Variants in CDH9 observed in about 807,000 individuals in gnomAD.
The protein encoded by CDH9 is cadherin-9.
CDH9 carries 28 observed loss-of-function variants against 70.9 expected under a neutral mutation model. The ratio of observed to expected loss-of-function variants is 0.40; its 90% CI spans 0.29 to 0.54. The LOEUF is 0.54. Ranked by LOEUF, CDH9 falls within the 20% of genes least tolerant of loss-of-function variation. CDH9 has a pLI of 0.59. For synonymous variants in CDH9, 409 were observed against 343.1 expected (o/e 1.19, Z -2.12); for missense variants, 874 against 984.4 (o/e 0.89, Z 1.50).
At chr5:27,001,928 C>G (rs771669203) in intron 1 of CDH9, among the ~76,000 whole-genome samples, 1 of 150,770 alleles carries the variant, frequency 6.6e-6, no homozygotes, top group African/African-American at 2.5e-5. Flanking sequence ...AAGGTTGGAA[C>G]AATTCACAGT....
chr5:26,890,310 CT>C lies in CDH9; in HGVS notation c.1390+117del, dbSNP rs1740634923. The C allele has an allele frequency of 3.9e-6, 3 of 773,514 alleles. No individual in the cohort carries two copies. In the African/African-American group the frequency reaches 5.2e-5, roughly 13 times the overall value. The allele number at this position is 773,514 out of a possible 1,614,324, so 47.9% of individuals were successfully genotyped here. A position where few individuals can be genotyped will look rare whatever the true frequency, so the allele number is the denominator to read the frequency against. Reference sequence around the variant, plus strand: ...AATGTGTTGATATTCTAAGCCATTTCTCTAAGATCTTGCTAAGGATACAATC... The same window carrying C: ...AATGTGTTGATATTCTAAGCCATTTCCTAAGATCTTGCTAAGGATACAATC... On this transcript the variant is annotated intron_variant, in intron 8 of 11. Transcript: ENST00000231021.
chr5:26,979,080 C>T (rs928059056), intron 2 of CDH9, among the ~76,000 whole-genome samples: 1 of 151,404 alleles, frequency 6.6e-6, no homozygotes, highest in Non-Finnish European at 1.5e-5. Flanking sequence ...ACTGACTAGA[C>T]ATATTTATAT....
intron 2 of CDH9, among the ~76,000 whole-genome samples, chr5:26,939,917 A>C (rs1307869434): frequency 2.0e-5 from 3 of 152,120 alleles, no homozygotes; most frequent in African/African-American, 7.2e-5. Flanking sequence ...TGGGAGGCTG[A>C]GGCGACTGGA....
At chr5:26,979,354 T>C (rs1422380326) in intron 2 of CDH9, among the ~76,000 whole-genome samples, 1 of 150,746 alleles carries the variant, frequency 6.6e-6, no homozygotes, top group Non-Finnish European at 1.5e-5. Context: ...ACTAAAAACA[T>C]AAAAACACAA....
At chr5:27,029,053 T>C (rs1743267319) in intron 1 of CDH9, among the ~76,000 whole-genome samples, 1 of 152,006 alleles carries the variant, frequency 6.6e-6, no homozygotes, top group South Asian at 2.1e-4. Flanking sequence ...ATGTAAGATA[T>C]AGTAAAGGTT....
In CDH9 at chr5:26,885,646, A is replaced by T; in HGVS notation, c.1850T>A (p.Val617Asp). 6.2e-7 allele frequency: 1 copy of T among 1,613,590 alleles called. No homozygotes were observed. Among genetic ancestry groups the T allele is most frequent in the Non-Finnish European group, 8.5e-7 (1 of 1,179,840 alleles). ...LSAGLSTGAL[V>D]AILLCVLILL... is the part of the protein sequence containing the mutation. ...TATGAGGACACAGAGTAGAATCGCA[A>T]CGAGAGCTCCCGTGCTCAGGCCGGC... Residue 617 changes from valine (V) to aspartate (D), a missense_variant, in exon 11 of 12, where the codon GTT becomes GAT. Transcript: ENST00000231021.
intron 2 of CDH9, among the ~76,000 whole-genome samples, chr5:26,925,149 T>C (rs1273574662): frequency 1.3e-5 from 2 of 152,120 alleles, no homozygotes; most frequent in Non-Finnish European, 2.9e-5. Flanking sequence ...AATGGTTGAA[T>C]TAATTTACAC....
chr5:26,887,099 A>C (rs1291683476), intron 9 of CDH9, among the ~76,000 whole-genome samples: 1 of 152,154 alleles, frequency 6.6e-6, no homozygotes, highest in Non-Finnish European at 1.5e-5. Context: ...TTAATTTTAT[A>C]TTAATGATAA....
At chr5:27,022,270 A>C (rs1318235491) in intron 1 of CDH9, among the ~76,000 whole-genome samples, 1 of 152,010 alleles carries the variant, frequency 6.6e-6, no homozygotes, top group Non-Finnish European at 1.5e-5. Flanking sequence ...TTTTTCACAA[A>C]TTGAGTTTTT....
intron 2 of CDH9, among the ~76,000 whole-genome samples, chr5:26,937,082 G>T (rs533281452): frequency 1.3e-5 from 2 of 151,794 alleles, no homozygotes. Flanking sequence ...ATAGTGCTAG[G>T]GTAATATAAA....
At position 26,906,038 on chromosome 5, in the gene CDH9, C is replaced by G. The variant is rs1327379129; in HGVS notation, c.732G>C (p.Gln244His). ...VVIQAKDMGG[Q>H]MGGLSGTTTV... ...TGGTGGTTCCAGAAAGGCCTCCCAT[C>G]TGGCCACCCATGTCTTTGGCCTGTA... The change falls in exon 5 of 12, where the codon CAG (glutamine) becomes CAC (histidine). Residue 244 changes from glutamine (Q) to histidine (H), a missense_variant. Gln to His is a conservative substitution (Grantham distance 24). Coordinates refer to ENST00000231021, the MANE Select transcript of CDH9 (RefSeq NM_016279.4). The G allele has an allele frequency of 6.2e-7, 1 of 1,613,472 alleles. No individual in the cohort carries two copies. The highest frequency in any genetic ancestry group is 8.5e-7 in the Non-Finnish European group (1 of 1,179,474).
intron 2 of CDH9, among the ~76,000 whole-genome samples, chr5:26,970,888 T>C (rs890872932): frequency 1.3e-5 from 2 of 152,138 alleles, no homozygotes; most frequent in African/African-American, 4.8e-5. Context: ...ATAGTAAGAA[T>C]GGTCCTGGGA....
At chr5:27,020,542 G>A (rs1044693930) in intron 1 of CDH9, among the ~76,000 whole-genome samples, 7 of 151,586 alleles carry the variant, frequency 4.6e-5, no homozygotes, top group African/African-American at 1.7e-4. Context: ...TTTAAGTGAT[G>A]TTATTATAAG....
intron 1 of CDH9, among the ~76,000 whole-genome samples, chr5:27,035,749 C>A (rs1018176075): frequency 6.7e-6 from 1 of 150,144 alleles, no homozygotes; most frequent in Non-Finnish European, 1.5e-5. Context: ...TCCTTGAAGT[C>A]AAAAGTATTA....
chr5:27,033,473 C>T (rs9986175), intron 1 of CDH9, among the ~76,000 whole-genome samples: 11 of 47,880 alleles, frequency 2.3e-4, no homozygotes, highest in Non-Finnish European at 4.2e-4. Context: ...CATAGATAGA[C>T]AGACAGATAG....
At chr5:26,947,710 G>A (rs1741777968) in intron 2 of CDH9, among the ~76,000 whole-genome samples, 1 of 152,160 alleles carries the variant, frequency 6.6e-6, no homozygotes, top group African/African-American at 2.4e-5. Context: ...CTGTTTTAGA[G>A]AGCATGGCAT....
At chr5:26,940,225 T>A (rs1741636723) in intron 2 of CDH9, among the ~76,000 whole-genome samples, 1 of 151,722 alleles carries the variant, frequency 6.6e-6, no homozygotes, top group African/African-American at 2.4e-5. Context: ...AGAGTATGTA[T>A]AGGATGGATG....
chr5:26,902,501 G>T lies in CDH9; in HGVS notation c.1228C>A (p.Pro410Thr). ...TTTATTAAATTGTTCCTGGCATCTG[G>T]ATCGTATGCTGTAACCTGTCCAATG... ...SIIGQVTAYD[P>T]DARNNLIKYS... Residue 410 changes from proline (P) to threonine (T), a missense_variant, in exon 7 of 12, where the codon CCA (proline) becomes ACA (threonine). Physicochemically the swap from Pro to Thr is conservative, Grantham distance 38. Transcript: ENST00000231021. 2.5e-6 allele frequency: 4 copies of T among 1,603,646 alleles called. No homozygotes were observed. Among genetic ancestry groups the T allele is most frequent in the Non-Finnish European group, 3.4e-6 (4 of 1,171,170 alleles).
intron 2 of CDH9, among the ~76,000 whole-genome samples, chr5:26,924,202 T>TA (rs1353306096): frequency 6.6e-6 from 1 of 151,716 alleles, no homozygotes. Context: ...AAATCGAAGA[T>TA]AAAAAATGAC....
Sources: allele counts gnomAD v4.1 joint callset (sites outside exome capture counted in the v4.1 genomes callset), GRCh38; gene constraint gnomAD v4.1.1; transcripts MANE v1.5; gene names NCBI Gene and HGNC (gene_info 2026-07-23, HGNC 2026-07-21).